The following WDR4 variants were observed in gnomAD, a reference collection of about 807,000 sequenced individuals.
WDR4 encodes the protein WDR4 tRNA N7-guanosine methyltransferase non-catalytic subunit.
A neutral mutation model predicts 48.6 loss-of-function variants in WDR4; 47 were observed. The ratio of observed to expected loss-of-function variants is 0.97; its 90% CI spans 0.77 to 1.23. WDR4 has a LOEUF of 1.23. Ranked by LOEUF, WDR4 falls within the 50% of genes most tolerant of loss-of-function variation. WDR4 has a pLI of 0.00. For missense variants in WDR4, 606 were observed against 551.6 expected, an observed-to-expected ratio of 1.10 and a Z score of -0.99; for synonymous variants, 268 against 230.0, an observed-to-expected ratio of 1.17 and a Z score of -1.49.
the WDR4 span, among the ~76,000 whole-genome samples, chr21:42,886,592 T>G: frequency 3.3e-5 from 5 of 152,380 alleles, no homozygotes; most frequent in Admixed American, 3.3e-4. Flanking sequence ...CCCACCACTT[T>G]GCCAGCGTAA....
the WDR4 span, among the ~76,000 whole-genome samples, chr21:42,892,001 C>T: frequency 1.1e-4 from 17 of 149,992 alleles, no homozygotes; most frequent in Non-Finnish European, 2.4e-4. Flanking sequence ...CACCTGTAAT[C>T]CCAGGGCTTT....
At chr21:42,868,590 T>A (rs2058301572) in intron 3 of WDR4, among the ~76,000 whole-genome samples, 1 of 152,220 alleles carries the variant, frequency 6.6e-6, no homozygotes, top group South Asian at 2.1e-4. Context: ...GGGTACACCC[T>A]CTGCATAGTG....
chr21:42,852,194 G>A, intron 10 of WDR4, 61 bp downstream of exon 10: 10 of 1,577,248 alleles, frequency 6.3e-6, no homozygotes, highest in Middle Eastern at 3.6e-4. Context: ...GTGTGCTTCT[G>A]CTTTCTCTGG....
intron 1 of WDR4, among the ~76,000 whole-genome samples, chr21:42,877,963 T>C (rs985411150): frequency 1.4e-5 from 2 of 146,028 alleles, no homozygotes; most frequent in African/African-American, 5.1e-5. Flanking sequence ...GAGAATGGCG[T>C]GAACCCGGGA....
At chr21:42,858,701 C>T (rs940898259) in intron 6 of WDR4, among the ~76,000 whole-genome samples, 7 of 152,164 alleles carry the variant, frequency 4.6e-5, no homozygotes, top group Non-Finnish European at 1.0e-4. Flanking sequence ...AAACCGCTGA[C>T]GAAGCCTGAC....
intron 1 of WDR4, among the ~76,000 whole-genome samples, chr21:42,878,327 T>A (rs985690961): frequency 2.0e-5 from 3 of 152,324 alleles, no homozygotes; most frequent in Admixed American, 2.0e-4. Flanking sequence ...AACCGTGGAC[T>A]TGTCTTCCAA....
At chr21:42,848,953 C>T (rs1230029907), downstream of WDR4, among the ~76,000 whole-genome samples, 1 of 133,314 alleles carries the variant, frequency 7.5e-6, no homozygotes, top group Non-Finnish European at 1.6e-5. Flanking sequence ...CACGATCACG[C>T]GGCGCGCACC....
In WDR4 at chr21:42,876,705, T is replaced by C; in HGVS notation, c.152A>G (p.Lys51Arg). 6.2e-7 allele frequency: 1 copy of C among 1,613,658 alleles called. No individual in the cohort carries two copies. Among genetic ancestry groups the C allele is most frequent in the Non-Finnish European group, 8.5e-7 (1 of 1,179,830 alleles). ...SAAEKKSQEN[K>R]GEDAPLDQGS... Reference sequence around the variant, plus strand: ...AAAAAGCTTCCCCACATCTCACCCTTTATTTTCTTGTGACTTCTTTTCTGC... The same window carrying C: ...AAAAAGCTTCCCCACATCTCACCCTCTATTTTCTTGTGACTTCTTTTCTGC... Residue 51 changes from lysine to arginine, a missense_variant, in exon 2 of 11, where the codon AAA becomes AGA. By Grantham distance (26) the Lys-to-Arg change is conservative (BLOSUM62 2). Transcript: ENST00000398208.
rs780593586 is a variant in WDR4, at chr21:42,876,740, G to C, written c.117C>G (p.Asp39Glu). Residue 39 changes from aspartate (D) to glutamate (E), a missense_variant, in exon 2 of 11, where the codon GAC becomes GAG. Coordinates refer to ENST00000398208, the MANE Select transcript of WDR4 (RefSeq NM_018669.6). ...SSDDDSLFIY[D>E]CSAAEKKSQE... The stretch of plus-strand genomic sequence containing the variant: ...GTGACTTCTTTTCTGCAGCACTGCA[G>C]TCATAGATGAAGAGGCTGTCATCAT... 1 of 1,613,516 alleles carries C rather than the reference G, an allele frequency of 6.2e-7. No homozygotes were observed. Among genetic ancestry groups the C allele is most frequent in the African/African-American group, 1.3e-5 (1 of 74,866 alleles).
chr21:42,850,138 C>T lies in WDR4; in HGVS notation c.1150G>A (p.Glu384Lys), dbSNP rs201837743. The change falls in exon 11 of 11, where the codon GAG (glutamate) becomes AAG (lysine). Residue 384 changes from glutamate (E) to lysine (K), a missense_variant. Coordinates refer to ENST00000398208, the MANE Select transcript of WDR4 (RefSeq NM_018669.6). ...KKEERLQQQL[E>K]KKQRRRSPPP... ...GGACTCCGGCGCCGCTGCTTCTTCT[C>T]TAGCTGCTGCTGCAGTCTCTCCTCT... 48 of 1,614,012 alleles carry T rather than the reference C, an allele frequency of 3.0e-5. No homozygotes were observed. In the East Asian group the frequency reaches 4.9e-4, roughly 16 times the overall value.
At chr21:42,861,155 CA>C (rs930330576) in intron 5 of WDR4, among the ~76,000 whole-genome samples, 9 of 150,202 alleles carry the variant, frequency 6.0e-5, no homozygotes, top group Non-Finnish European at 1.2e-4. Flanking sequence ...ACTAAAAATA[CA>C]AAAAAAAATT....
At chr21:42,874,066 A>G (rs569823015) in intron 2 of WDR4, among the ~76,000 whole-genome samples, 8 of 152,280 alleles carry the variant, frequency 5.3e-5, no homozygotes, top group African/African-American at 1.7e-4. Context: ...CTATAATCTC[A>G]GCACTTTGGT....
intron 3 of WDR4, among the ~76,000 whole-genome samples, chr21:42,864,974 ACAAGTACAGGGCGCCCGGCC>A (rs2058215247): frequency 6.6e-6 from 1 of 152,212 alleles, no homozygotes; most frequent in Admixed American, 6.5e-5. Flanking sequence ...CACCAGGCAG[ACAAGTACAGGGCGCCCGGCC>A]CACTGCGGCT....
Position 42,854,597 on chromosome 21 carries a change from C to A in WDR4, c.756G>T (p.Trp252Cys). The stretch of plus-strand genomic sequence containing the variant: ...GGAGCGCCACGCAGTTCTCCTGGCA[C>A]CAGAATGCAATCCTGGACGCGGCAA... ...QKFAASRIAF[W>C]CQENCVALLC... is the part of the protein sequence containing the mutation. The change falls in exon 8 of 11, where the codon TGG (tryptophan) becomes TGT (cysteine). Residue 252 changes from tryptophan to cysteine, a missense_variant. Trp to Cys is a radical substitution (Grantham distance 215). Coordinates refer to ENST00000398208, the MANE Select transcript of WDR4 (RefSeq NM_018669.6). The A allele has an allele frequency of 1.2e-6, 2 of 1,613,876 alleles. No individual in the cohort carries two copies. Among genetic ancestry groups the A allele is most frequent in the Non-Finnish European group, 8.5e-7 (1 of 1,179,960 alleles).
At chr21:42,869,131 C>T (rs1387718778) in intron 3 of WDR4, among the ~76,000 whole-genome samples, 1 of 152,196 alleles carries the variant, frequency 6.6e-6, no homozygotes, top group Non-Finnish European at 1.5e-5. Context: ...CATACTCTGG[C>T]TCTGGGTGGT....
chr21:42,846,852 T>C (rs2057715020), downstream of WDR4, among the ~76,000 whole-genome samples: 1 of 152,014 alleles, frequency 6.6e-6, no homozygotes, highest in African/African-American at 2.4e-5. Context: ...CAAAACCCCA[T>C]CTCTACTAAA....
chr21:42,883,290 A>C (rs1227549698), upstream of WDR4, among the ~76,000 whole-genome samples: 1 of 148,594 alleles, frequency 6.7e-6, no homozygotes, highest in Non-Finnish European at 1.5e-5. Flanking sequence ...AAAAAAAAAA[A>C]AGAAAAATGG....
At chr21:42,844,402 A>T (rs759319160), downstream of WDR4, among the ~76,000 whole-genome samples, 77 of 152,244 alleles carry the variant, frequency 5.1e-4, no homozygotes, top group South Asian at 1.4e-3. Context: ...ATCATGTATC[A>T]GTCAAGAGAT....
intron 8 of WDR4, among the ~76,000 whole-genome samples, chr21:42,854,075 G>A (rs1488858009): frequency 6.6e-6 from 1 of 152,220 alleles, no homozygotes; most frequent in Non-Finnish European, 1.5e-5. Flanking sequence ...AACGAGCTAA[G>A]AGACCTCCCC....
Sources: gnomAD v4.1 joint callset for allele counts (sites outside exome capture counted in the v4.1 genomes callset) on GRCh38, gnomAD v4.1.1 for gene constraint, MANE v1.5 for transcripts, NCBI Gene and HGNC (gene_info 2026-07-23, HGNC 2026-07-21) for gene names.